SLAIN1: variants seen among roughly 807,000 people sequenced by gnomAD.
SLAIN1 encodes SLAIN family member 1.
SLAIN1 carries 17 observed loss-of-function variants against 55.4 expected under a neutral mutation model. The observed-to-expected ratio is 0.31, with a 90% CI of 0.21 to 0.46. The LOEUF (loss-of-function observed/expected upper bound fraction) is 0.46. Ranked by LOEUF, SLAIN1 falls within the 20% of genes least tolerant of loss-of-function variation. The pLI is 1.00. For synonymous variants in SLAIN1, 348 were observed against 337.4 expected (o/e 1.03, Z -0.35); for missense variants, 682 against 785.1 (o/e 0.87, Z 1.57).
At chr13:77,734,532 C>G (rs1873018890) in intron 2 of SLAIN1, among the ~76,000 whole-genome samples, 1 of 152,156 alleles carries the variant, frequency 6.6e-6, no homozygotes, top group African/African-American at 2.4e-5. Context: ...TCAGACAGTT[C>G]AGTTTTGCTT....
Position 77,698,634 on chromosome 13 carries a change from G to A in SLAIN1, c.626+95G>A. On this transcript the variant is annotated intron_variant, in intron 1 of 6. Coordinates refer to ENST00000418532, the MANE Select transcript of SLAIN1 (RefSeq NM_001242868.2). The surrounding 1 kb of genome is among the most constrained non-coding windows in gnomAD (Gnocchi z 4.1). ...GGGGGGCGGACGGGGGTCCCCTCGCGGCAGCCGGGGTGACTCCCCGCGGCT... is the reference window on the plus strand; with the variant it reads ...GGGGGGCGGACGGGGGTCCCCTCGCAGCAGCCGGGGTGACTCCCCGCGGCT... The A allele has an allele frequency of 7.6e-7, 1 of 1,310,486 alleles. No homozygotes were observed. Among genetic ancestry groups the A allele is most frequent in the Non-Finnish European group, 9.7e-7 (1 of 1,033,444 alleles). 81.2% of individuals were successfully genotyped at this position (1,310,486 alleles called of 1,614,324 possible).
At position 77,719,576 on chromosome 13, in the gene SLAIN1, C is replaced by T. The variant is rs541647866; in HGVS notation, c.671C>T (p.Ser224Phe). Residue 224 changes from serine to phenylalanine, a missense_variant, in exon 2 of 7, where the codon TCC becomes TTC. By Grantham distance (155) the Ser-to-Phe change is radical (BLOSUM62 -2). Coordinates refer to ENST00000418532, the MANE Select transcript of SLAIN1 (RefSeq NM_001242868.2). ...AAGACGTTCACCTCATCAGAGAAATCCCTGACTCCTTTGCAGTGGTGTAGA... is the reference window on the plus strand; with the variant it reads ...AAGACGTTCACCTCATCAGAGAAATTCCTGACTCCTTTGCAGTGGTGTAGA... ...SSKTFTSSEK[S>F]LTPLQWCRHV... The T allele has an allele frequency of 1.4e-5, 23 of 1,613,198 alleles. No homozygotes were observed. The highest frequency in any genetic ancestry group is 1.9e-5 in the Non-Finnish European group (22 of 1,179,512).
intron 1 of SLAIN1, among the ~76,000 whole-genome samples, chr13:77,702,917 T>C (rs577269944): frequency 2.2e-4 from 33 of 152,290 alleles, no homozygotes; most frequent in Admixed American, 5.9e-4. Context: ...TTTTGCATTA[T>C]GATCAAAGTT....
At chr13:77,744,151 A>G in intron 2 of SLAIN1, 132 bp from the exon 3 acceptor site, 1 of 722,580 alleles carries the variant, frequency 1.4e-6, no homozygotes, top group South Asian at 1.5e-5. Flanking sequence ...TGACCATTAA[A>G]TGGTGACATG....
At chr13:77,737,467 T>C (rs1358657588) in intron 2 of SLAIN1, among the ~76,000 whole-genome samples, 1 of 152,122 alleles carries the variant, frequency 6.6e-6, no homozygotes, top group Non-Finnish European at 1.5e-5. Context: ...TTCATTAAAG[T>C]ATAAACTGTT....
chr13:77,716,444 G>T (rs2091208711), intron 1 of SLAIN1, among the ~76,000 whole-genome samples: 1 of 151,464 alleles, frequency 6.6e-6, no homozygotes, highest in Non-Finnish European at 1.5e-5. Flanking sequence ...TTGGGATTTT[G>T]CAAATTATGT....
chr13:77,716,002 G>T (rs920114371), intron 1 of SLAIN1, among the ~76,000 whole-genome samples: 1 of 152,044 alleles, frequency 6.6e-6, no homozygotes, highest in African/African-American at 2.4e-5. Flanking sequence ...CCAACTCAAG[G>T]ACACACATAC....
At position 77,763,059 on chromosome 13, in the gene SLAIN1, A is replaced by G. The variant is rs75373459; in HGVS notation, c.1698-86A>G. 3,088 of 1,139,730 alleles carry G rather than the reference A, an allele frequency of 2.7e-3. 55 individuals are homozygous for G. In the African/African-American group the frequency reaches 0.042, roughly 15 times the overall value. The allele number at this position is 1,139,730 out of a possible 1,614,324, so 70.6% of individuals were successfully genotyped here. A position where few individuals can be genotyped will look rare whatever the true frequency, so the allele number is the denominator to read the frequency against. ...CTTCTCATTACTGCAGTGGAAGAAC[A>G]TAGATGGGAGAGTAGGTCAAAGTGA... On this transcript the variant is annotated intron_variant, in intron 6 of 6. Coordinates refer to ENST00000418532, the MANE Select transcript of SLAIN1 (RefSeq NM_001242868.2).
intron 3 of SLAIN1, 72 bp downstream of exon 3, chr13:77,744,504 C>T: frequency 1.3e-6 from 2 of 1,598,050 alleles, no homozygotes; most frequent in Non-Finnish European, 1.7e-6. Flanking sequence ...GAGGTTCAGG[C>T]ATTTCTCTCC....
At chr13:77,704,209 CAT>C (rs375303985) in intron 1 of SLAIN1, among the ~76,000 whole-genome samples, 7 of 320 alleles carry the variant, frequency 0.022, no homozygotes, top group African/African-American at 0.14. Flanking sequence ...AATATATATA[CAT>C]ATGTTTTATA....
At chr13:77,713,340 A>C (rs1555276183) in intron 1 of SLAIN1, among the ~76,000 whole-genome samples, 2 of 152,154 alleles carry the variant, frequency 1.3e-5, no homozygotes, top group Non-Finnish European at 2.9e-5. Context: ...GAAAAAAACA[A>C]CCCCATCAAA....
chr13:77,748,434 G>A lies in SLAIN1; in HGVS notation c.1258+1579G>A, dbSNP rs947571631. On this transcript the variant is annotated intron_variant, in intron 4 of 6. Coordinates refer to ENST00000418532, the MANE Select transcript of SLAIN1 (RefSeq NM_001242868.2). Reference sequence around the variant, plus strand: ...TTTTTTTTTTTTTTTTACTTAAAGTGTTTTAGAACATCGTAGTCAAGTTGC... The same window carrying A: ...TTTTTTTTTTTTTTTTACTTAAAGTATTTTAGAACATCGTAGTCAAGTTGC... Among the ~76,000 whole-genome samples the A allele has an allele frequency of 7.9e-4, 59 of 74,896 alleles. 1 individual carries two copies. Among genetic ancestry groups the A allele is most frequent in the Non-Finnish European group, 2.7e-4 (11 of 40,384 alleles). 49.1% of individuals were successfully genotyped at this position (74,896 alleles called of 152,430 possible). A position where few individuals can be genotyped will look rare whatever the true frequency, so the allele number is the denominator to read the frequency against.
chr13:77,744,355 A>T lies in SLAIN1; in HGVS notation c.839A>T (p.Glu280Val), dbSNP rs1873670039. The stretch of plus-strand genomic sequence containing the variant: ...AGTGAGCTGAGTACTTCAGAATTGG[A>T]GGATGATTCTATCTCCATGGGATAT... Reference protein sequence around the residue: ...IDSELSTSELEDDSISMGYKL... With the variant: ...IDSELSTSELVDDSISMGYKL... The change falls in exon 3 of 7, where the codon GAG (glutamate) becomes GTG (valine). Residue 280 changes from glutamate (E) to valine (V), a missense_variant. Glu to Val is a moderately radical substitution (Grantham distance 121). This residue lies in a region of SLAIN1 where 401 missense variants were observed against 417.3 expected (regional missense o/e 0.96). Coordinates refer to ENST00000418532, the MANE Select transcript of SLAIN1 (RefSeq NM_001242868.2). 6.2e-7 allele frequency: 1 copy of T among 1,612,732 alleles called. No individual in the cohort carries two copies. Among genetic ancestry groups the T allele is most frequent in the Admixed American group, 1.7e-5 (1 of 59,834 alleles).
At chr13:77,756,465 T>C (rs1874616747) in intron 5 of SLAIN1, among the ~76,000 whole-genome samples, 1 of 152,170 alleles carries the variant, frequency 6.6e-6, no homozygotes, top group African/African-American at 2.4e-5. Context: ...TAATAAGTAG[T>C]ATTTTTATAA....
chr13:77,739,267 G>T (rs1041764642), intron 2 of SLAIN1, among the ~76,000 whole-genome samples: 2 of 151,950 alleles, frequency 1.3e-5, no homozygotes, highest in African/African-American at 4.8e-5. Context: ...TTATACTTAA[G>T]TTTAAAAAAT....
Position 77,697,897 on chromosome 13 carries a change from CGCCCTCGGG to C in SLAIN1, c.-12_-4del, listed in dbSNP as rs2090989531. 1 of 1,345,996 alleles carries C rather than the reference CGCCCTCGGG, an allele frequency of 7.4e-7. No homozygotes were observed. Among genetic ancestry groups the C allele is most frequent in the Non-Finnish European group, 9.6e-7 (1 of 1,044,248 alleles). 83.4% of individuals were successfully genotyped at this position (1,345,996 alleles called of 1,614,324 possible). On this transcript the variant is annotated 5_prime_UTR_variant, in exon 1 of 7. Coordinates refer to ENST00000418532, the MANE Select transcript of SLAIN1 (RefSeq NM_001242868.2). ...GGCGCGCACTCCCCGGCGGCCGCGG[CGCCCTCGGG>C]GCCCACGATGATGGCGGAGCAGGTG... is the stretch of plus-strand genomic sequence containing the variant.
At chr13:77,715,078 G>A (rs1385109400) in intron 1 of SLAIN1, among the ~76,000 whole-genome samples, 1 of 152,130 alleles carries the variant, frequency 6.6e-6, no homozygotes, top group Non-Finnish European at 1.5e-5. Flanking sequence ...ATGTTGGCCA[G>A]GATGGTCTCG....
chr13:77,743,240 C>A, intron 2 of SLAIN1: 1 of 1,144,136 alleles, frequency 8.7e-7, no homozygotes, highest in Non-Finnish European at 1.1e-6. Context: ...ATTCATCTTT[C>A]ATTTGAAAAG....
intron 2 of SLAIN1, among the ~76,000 whole-genome samples, chr13:77,722,400 G>C (rs1474130813): frequency 6.7e-6 from 1 of 149,702 alleles, no homozygotes; most frequent in East Asian, 1.9e-4. Context: ...TTAAAAAATA[G>C]TCTTACAACT....
Sources: allele counts gnomAD v4.1 joint callset (sites outside exome capture counted in the v4.1 genomes callset), GRCh38; gene constraint gnomAD v4.1.1; regional missense constraint gnomAD v4.1.1; non-coding constraint Gnocchi (gnomAD v3.1); transcripts MANE v1.5; gene names NCBI Gene and HGNC (gene_info 2026-07-23, HGNC 2026-07-21).